The following RPS24 variants were observed in gnomAD, a reference collection of about 807,000 sequenced individuals.
RPS24 encodes the protein ribosomal protein S24.
For synonymous variants in RPS24, 72 were observed against 55.6 expected, an observed-to-expected ratio of 1.30 and a Z score of -1.31; for missense variants, 100 against 162.5, an observed-to-expected ratio of 0.62 and a Z score of 2.09.
chr10:78,043,935 C>T (rs533978284), downstream of RPS24, among the ~76,000 whole-genome samples: 30 of 149,356 alleles, frequency 2.0e-4, no homozygotes, highest in African/African-American at 6.9e-4. Context: ...TAGCCTAACA[C>T]GTCACCATGC....
intron 4 of RPS24, 46 bp from the exon 5 acceptor site, chr10:78,040,154 ATCTT>A (rs1031105613): frequency 5.1e-6 from 8 of 1,583,958 alleles, no homozygotes; most frequent in African/African-American, 1.4e-5. Flanking sequence ...TATTAATGAA[ATCTT>A]TCTTTTCCCT....
At chr10:78,043,206 T>C (rs1163556855), downstream of RPS24, among the ~76,000 whole-genome samples, 1 of 152,142 alleles carries the variant, frequency 6.6e-6, no homozygotes, top group Non-Finnish European at 1.5e-5. Flanking sequence ...GGTTTCACCA[T>C]GTTAGCCAGG....
intron 4 of RPS24, chr10:78,038,057 G>T: frequency 1.1e-6 from 1 of 916,350 alleles, no homozygotes; most frequent in Non-Finnish European, 1.5e-6. Context: ...TTGCATGTTG[G>T]CCTTTGGACG....
intron 4 of RPS24, among the ~76,000 whole-genome samples, chr10:78,051,543 A>G (rs1848098845): frequency 1.3e-5 from 2 of 152,234 alleles, no homozygotes; most frequent in Admixed American, 1.3e-4. Context: ...TGCAGCTATG[A>G]AAATTCATGT....
At chr10:78,043,103 A>C (rs2131987628), downstream of RPS24, among the ~76,000 whole-genome samples, 1 of 152,250 alleles carries the variant, frequency 6.6e-6, no homozygotes, top group Admixed American at 6.5e-5. Flanking sequence ...TCACGGGTTC[A>C]CGCCATTCTC....
downstream of RPS24, among the ~76,000 whole-genome samples, chr10:78,043,675 G>C (rs1325715133): frequency 6.6e-6 from 1 of 152,242 alleles, no homozygotes. Context: ...ACGATCCCAT[G>C]ATCTGGCTTC....
At chr10:78,038,022 TCAC>T (rs1360693832) in intron 4 of RPS24, 18 of 1,241,230 alleles carry the variant, frequency 1.5e-5, no homozygotes, top group Non-Finnish European at 1.7e-5. Flanking sequence ...TGCATCACCT[TCAC>T]TGAGTTTGCT....
chr10:78,035,799 G>T, intron 3 of RPS24, 79 bp downstream of exon 3: 1 of 1,185,684 alleles, frequency 8.4e-7, no homozygotes, highest in Non-Finnish European at 1.2e-6. Context: ...GTGGTAAAAA[G>T]GGCAAGACCA....
intron 1 of RPS24, 194 bp downstream of exon 1, chr10:78,034,098 G>C (rs1439988289): frequency 5.3e-6 from 3 of 567,786 alleles, no homozygotes; most frequent in Non-Finnish European, 9.6e-6. Context: ...TGTAGACCCG[G>C]ACACGCTGGG....
intron 4 of RPS24, among the ~76,000 whole-genome samples, chr10:78,053,103 A>G (rs1301395001): frequency 2.6e-5 from 4 of 151,390 alleles, no homozygotes; most frequent in Admixed American, 1.3e-4. Flanking sequence ...CAGTGAGCTG[A>G]GATTGTGCCA....
At chr10:78,045,032 C>T (rs964631454), downstream of RPS24, among the ~76,000 whole-genome samples, 13 of 151,870 alleles carry the variant, frequency 8.6e-5, no homozygotes, top group African/African-American at 2.4e-4. Context: ...CTTGTTGCCC[C>T]GGCTGGAGTG....
At chr10:78,035,276 T>C in intron 1 of RPS24, 76 bp from the exon 2 acceptor site, 1 of 1,427,100 alleles carries the variant, frequency 7.0e-7, no homozygotes, top group South Asian at 1.1e-5. Flanking sequence ...ACTGCAACAT[T>C]CTAGGTCTTG....
chr10:78,042,597 C>T (rs929412258), downstream of RPS24, among the ~76,000 whole-genome samples: 5 of 152,274 alleles, frequency 3.3e-5, no homozygotes, highest in Non-Finnish European at 5.9e-5. Flanking sequence ...TTGGAAGAGC[C>T]TCCATAAAAT....
At chr10:78,043,383 G>C (rs537836524), downstream of RPS24, among the ~76,000 whole-genome samples, 2 of 152,236 alleles carry the variant, frequency 1.3e-5, no homozygotes, top group South Asian at 4.1e-4. Flanking sequence ...CATCTTACCA[G>C]TGTCTCACCC....
At chr10:78,040,479 TATG>T in intron 5 of RPS24, 133 bp from the exon 6 acceptor site, 2 of 781,006 alleles carry the variant, frequency 2.6e-6, no homozygotes, top group Non-Finnish European at 4.5e-6. Context: ...TTCATTGTGT[TATG>T]ATAACATCAA....
chr10:78,040,019 A>G, intron 4 of RPS24, 185 bp from the exon 5 acceptor site: 1 of 687,654 alleles, frequency 1.5e-6, no homozygotes, highest in Non-Finnish European at 2.7e-6. Context: ...CAGAATTGGG[A>G]GGAATAAAAT....
At chr10:78,043,604 C>G (rs112799777), downstream of RPS24, among the ~76,000 whole-genome samples, 1 of 152,208 alleles carries the variant, frequency 6.6e-6, no homozygotes, top group African/African-American at 2.4e-5. Flanking sequence ...TGCTGTGTCC[C>G]TGTTCTGCAA....
At position 78,040,598 on chromosome 10, in the gene RPS24, T is replaced by C. The variant is rs1364509097; in HGVS notation, c.*20-17T>C. 3 of 1,606,608 alleles carry C rather than the reference T, an allele frequency of 1.9e-6. No homozygotes were observed. The highest frequency in any genetic ancestry group is 1.7e-5 in the Admixed American group (1 of 60,014). On this transcript the variant is annotated splice_polypyrimidine_tract_variant and intron_variant, in intron 5 of 5. Transcript: ENST00000372360. ...TAAAGGCAGTTGTTGACTAAACTTC[T>C]TTCTCTTGATTCACAGCCGAAGGAG...
At chr10:78,047,001 C>T (rs1848050079) in intron 4 of RPS24, among the ~76,000 whole-genome samples, 1 of 151,478 alleles carries the variant, frequency 6.6e-6, no homozygotes, top group African/African-American at 2.4e-5. Flanking sequence ...TTTTGAGTTG[C>T]CCAGGCTGGA....
Sources: gnomAD v4.1 joint callset for allele counts (sites outside exome capture counted in the v4.1 genomes callset) on GRCh38, gnomAD v4.1.1 for gene constraint, MANE v1.5 for transcripts, NCBI Gene and HGNC (gene_info 2026-07-23, HGNC 2026-07-21) for gene names.